Variants in SLC40A1 observed in about 807,000 individuals in gnomAD.
SLC40A1 encodes ferroportin.
In SLC40A1, 16 loss-of-function variants were observed where a neutral mutation model predicts 53.5. That is an observed-to-expected ratio of 0.30 (90% CI 0.20 to 0.45). The LOEUF (loss-of-function observed/expected upper bound fraction) is 0.45. Among genes scored for constraint, SLC40A1 ranks in the 20% least tolerant of loss-of-function variants. SLC40A1 has a pLI of 1.00. For synonymous variants in SLC40A1, 247 were observed against 253.2 expected (o/e 0.98, Z 0.23); for missense variants, 545 against 695.4 (o/e 0.78, Z 2.43).
At position 189,566,721 on chromosome 2, in the gene SLC40A1, C is replaced by T. The variant is rs1574239689; in HGVS notation, c.515-1122G>A. On this transcript the variant is annotated intron_variant, in intron 5 of 7. Coordinates refer to ENST00000261024, the MANE Select transcript of SLC40A1 (RefSeq NM_014585.6). ...ACATGATGGTGGAATCACATGGAAG[C>T]TTTCTTCTCATTTATTCCATTTTCT... Among the ~76,000 whole-genome samples, 3 of 152,310 alleles carry T rather than the reference C, an allele frequency of 2.0e-5. No homozygotes were observed. In the East Asian group the frequency reaches 5.8e-4, roughly 29 times the overall value.
intron 2 of SLC40A1, 71 bp from the exon 3 acceptor site, chr2:189,575,391 T>G: frequency 6.5e-7 from 1 of 1,534,666 alleles, no homozygotes; most frequent in Non-Finnish European, 9.0e-7. Flanking sequence ...AGGAAGTTGC[T>G]TCCTTATCAA....
intron 5 of SLC40A1, among the ~76,000 whole-genome samples, chr2:189,569,539 C>G (rs1286305561): frequency 6.6e-6 from 1 of 152,194 alleles, no homozygotes; most frequent in Non-Finnish European, 1.5e-5. Flanking sequence ...CCTCCTTTTT[C>G]TCTGTTCTCC....
At position 189,563,641 on chromosome 2, in the gene SLC40A1, A is replaced by G. The variant is rs1469766783; in HGVS notation, c.1345T>C (p.Ser449Pro). Residue 449 changes from serine (S) to proline (P), a missense_variant, in exon 7 of 8, where the codon TCT becomes CCT. This residue lies in a region of SLC40A1 where 234 missense variants were observed against 299.0 expected (regional missense o/e 0.78). Transcript: ENST00000261024. ...ANIVPETSPE[S>P]VPIISVSLLF... ...AGACTGACAGAGATTATGGGCACAG[A>G]TTCAGGACTTGTCTCCGGGACAATA... is the stretch of plus-strand genomic sequence containing the variant. The G allele has an allele frequency of 1.9e-6, 3 of 1,614,194 alleles. No homozygotes were observed. The highest frequency in any genetic ancestry group is 2.5e-6 in the Non-Finnish European group (3 of 1,180,008).
chr2:189,579,304 T>G (rs1240865982), intron 2 of SLC40A1, among the ~76,000 whole-genome samples: 1 of 152,242 alleles, frequency 6.6e-6, no homozygotes, highest in Non-Finnish European at 1.5e-5. Context: ...CACTCAGATA[T>G]TTGTTCTGGG....
At chr2:189,567,046 G>A (rs1298217844) in intron 5 of SLC40A1, among the ~76,000 whole-genome samples, 1 of 152,186 alleles carries the variant, frequency 6.6e-6, no homozygotes, top group Non-Finnish European at 1.5e-5. Flanking sequence ...GGCCAACTGA[G>A]CTGAGGGTAT....
chr2:189,569,010 C>G (rs1031368111), intron 5 of SLC40A1, among the ~76,000 whole-genome samples: 1 of 152,184 alleles, frequency 6.6e-6, no homozygotes, highest in Non-Finnish European at 1.5e-5. Context: ...AATCAAGCAC[C>G]TAGAAAGTAC....
At chr2:189,573,448 A>G (rs1007797350) in intron 3 of SLC40A1, among the ~76,000 whole-genome samples, 62 of 152,356 alleles carry the variant, frequency 4.1e-4, no homozygotes, top group African/African-American at 1.4e-3. Flanking sequence ...AGAATAAAGC[A>G]GCAGTGTATT....
At position 189,567,659 on chromosome 2, in the gene SLC40A1, C is replaced by T. The variant is rs117915424; in HGVS notation, c.515-2060G>A. On this transcript the variant is annotated intron_variant, in intron 5 of 7. Transcript: ENST00000261024. The stretch of plus-strand genomic sequence containing the variant: ...AAAAACAATACGTGACGAAGAAGTA[C>T]ATTAACAGAAGATTGCCTTTATTCC... Among the ~76,000 whole-genome samples the T allele has an allele frequency of 6.6e-5, 10 of 152,314 alleles. No homozygotes were observed. The East Asian group carries it at 1.9e-3, about 29-fold the overall frequency.
intron 1 of SLC40A1, 147 bp downstream of exon 1, chr2:189,580,271 T>C (rs1400075521): frequency 8.8e-6 from 8 of 904,582 alleles, no homozygotes; most frequent in South Asian, 1.4e-5. Context: ...CTTTCTTCCT[T>C]AACGTCCACC....
At chr2:189,579,197 T>C in intron 2 of SLC40A1, among the ~76,000 whole-genome samples, 1 of 152,202 alleles carries the variant, frequency 6.6e-6, no homozygotes. Flanking sequence ...TGTAAATCCA[T>C]TGCTGATATT....
chr2:189,565,043 C>G (rs1028632154), intron 6 of SLC40A1, among the ~76,000 whole-genome samples: 1 of 152,000 alleles, frequency 6.6e-6, no homozygotes, highest in African/African-American at 2.4e-5. Flanking sequence ...TTTTTTTCCC[C>G]ACATTTTTTC....
intron 2 of SLC40A1, chr2:189,578,411 C>G: frequency 1.0e-6 from 1 of 989,426 alleles, no homozygotes; most frequent in Non-Finnish European, 1.2e-6. Flanking sequence ...ATGAACATGA[C>G]AAAATATCCT....
At chr2:189,568,515 A>C (rs1225801318) in intron 5 of SLC40A1, among the ~76,000 whole-genome samples, 2 of 152,138 alleles carry the variant, frequency 1.3e-5, no homozygotes, top group Admixed American at 1.3e-4. Flanking sequence ...TAATCATCTT[A>C]CTGGTAGCAG....
rs758664672 is a variant in SLC40A1, at chr2:189,562,219, AGATTT to A, written c.1403-33_1403-29del. 6 of 1,526,392 alleles carry A rather than the reference AGATTT, an allele frequency of 3.9e-6. No homozygotes were observed. The African/African-American group carries it at 8.3e-5, about 21-fold the overall frequency. 94.6% of individuals were successfully genotyped at this position (1,526,392 alleles called of 1,614,324 possible). A position where few individuals can be genotyped will look rare whatever the true frequency, so the allele number is the denominator to read the frequency against. ...ATAATAAAATATTTTTTTAAAGATTAGATTTTAGTTTACAGGCATACATTTCAAAT... is the reference window on the plus strand; with the variant it reads ...ATAATAAAATATTTTTTTAAAGATTATAGTTTACAGGCATACATTTCAAAT... On this transcript the variant is annotated intron_variant, in intron 7 of 7. Coordinates refer to ENST00000261024, the MANE Select transcript of SLC40A1 (RefSeq NM_014585.6).
At chr2:189,575,689 G>T (rs751039220) in intron 2 of SLC40A1, among the ~76,000 whole-genome samples, 5 of 152,188 alleles carry the variant, frequency 3.3e-5, no homozygotes, top group Non-Finnish European at 7.3e-5. Context: ...GATTGCAGAG[G>T]CATAAAGTAG....
Position 189,561,805 on chromosome 2 carries a change from G to T in SLC40A1, c.*73C>A. On this transcript the variant is annotated 3_prime_UTR_variant, in exon 8 of 8. Coordinates refer to ENST00000261024, the MANE Select transcript of SLC40A1 (RefSeq NM_014585.6). ...AGAGCAAAACACCCAGCCATTTATT[G>T]GAATTCTGCAGTACAAAATAAGCAC... 1.5e-6 allele frequency: 2 copies of T among 1,291,574 alleles called. No individual in the cohort carries two copies. Among genetic ancestry groups the T allele is most frequent in the Non-Finnish European group, 2.2e-6 (2 of 893,340 alleles). The allele number at this position is 1,291,574 out of a possible 1,614,324, so 80.0% of individuals were successfully genotyped here. A position where few individuals can be genotyped will look rare whatever the true frequency, so the allele number is the denominator to read the frequency against.
intron 5 of SLC40A1, among the ~76,000 whole-genome samples, chr2:189,568,361 C>T (rs1268783903): frequency 6.6e-6 from 1 of 151,968 alleles, no homozygotes. Flanking sequence ...TGGTGGCGGG[C>T]GCCTGTAGTC....
At chr2:189,572,756 C>CA (rs35134106) in intron 4 of SLC40A1, 90 bp downstream of exon 4, 179,471 of 739,200 alleles carry the variant, frequency 0.24, 6,311 homozygotes, top group Non-Finnish European at 0.27. Context: ...TCACACTGGC[C>CA]AAAAAAAAAA....
chr2:189,565,194 A>G (rs1273476909), intron 6 of SLC40A1, among the ~76,000 whole-genome samples, 160 bp downstream of exon 6: 5 of 152,212 alleles, frequency 3.3e-5, no homozygotes, highest in Non-Finnish European at 7.3e-5. Flanking sequence ...CTAGATCCTC[A>G]AAAGCCTGCT....
Sources: allele counts gnomAD v4.1 joint callset (sites outside exome capture counted in the v4.1 genomes callset), GRCh38; gene constraint gnomAD v4.1.1; regional missense constraint gnomAD v4.1.1; transcripts MANE v1.5; gene names NCBI Gene and HGNC (gene_info 2026-07-23, HGNC 2026-07-21).